The following SIRPB2 variants were observed in gnomAD, a reference collection of about 807,000 sequenced individuals.
The protein encoded by SIRPB2 is signal regulatory protein beta 2, also known as signal-regulatory protein beta-2.
Under a neutral mutation model 27.1 loss-of-function variants are expected in SIRPB2, and 18 were observed. That is an observed-to-expected ratio of 0.66 (90% CI 0.46 to 0.98). The LOEUF (loss-of-function observed/expected upper bound fraction) is 0.98. SIRPB2 is among the 50% of genes least tolerant of loss of function. The pLI is 0.00. For synonymous variants in SIRPB2, 150 were observed against 164.6 expected, an observed-to-expected ratio of 0.91 and a Z score of 0.68; for missense variants, 420 against 417.4, an observed-to-expected ratio of 1.01 and a Z score of -0.06.
rs1174654598 is a variant in SIRPB2 at position 1,476,451 on chromosome 20, G to A, written c.860-115C>T. 16 of 1,101,318 alleles carry A rather than the reference G, an allele frequency of 1.5e-5. No individual in the cohort carries two copies. The East Asian group carries it at 3.7e-4, about 26-fold the overall frequency. The allele number at this position is 1,101,318 out of a possible 1,614,324, so 68.2% of individuals were successfully genotyped here. A position where few individuals can be genotyped will look rare whatever the true frequency, so the allele number is the denominator to read the frequency against. ...CTGCTGCTGTATAACCTCTGGAGCT[G>A]TATCCTTTCTACATTGAAAGAGGAG... On this transcript the variant is annotated intron_variant, in intron 4 of 4. Transcript: ENST00000359801.
chr20:1,482,759 T>C (rs2090684594), intron 1 of SIRPB2, among the ~76,000 whole-genome samples: 1 of 146,538 alleles, frequency 6.8e-6, no homozygotes, highest in African/African-American at 2.8e-5. Flanking sequence ...AATGACTACA[T>C]GATTTCATTA....
downstream of SIRPB2, chr20:1,470,704 C>T (rs923426230): frequency 6.6e-6 from 1 of 152,086 alleles, no homozygotes; most frequent in Admixed American, 6.6e-5. Flanking sequence ...GAGACTCTGT[C>T]TCAAAAAATA....
intron 1 of SIRPB2, chr20:1,480,396 G>A (rs996882764): frequency 2.3e-5 from 6 of 256,918 alleles, no homozygotes; most frequent in African/African-American, 4.4e-5. Context: ...CTGAGGGTCC[G>A]GAAAGGTTAG....
chr20:1,491,371 T>G lies in SIRPB2; in HGVS notation c.-12A>C, dbSNP rs376450196. 37 of 1,603,980 alleles carry G rather than the reference T, an allele frequency of 2.3e-5. No individual in the cohort carries two copies. In the African/African-American group the frequency reaches 4.2e-4, roughly 18 times the overall value. On this transcript the variant is annotated 5_prime_UTR_variant, in exon 1 of 5. Coordinates refer to ENST00000359801, the MANE Select transcript of SIRPB2 (RefSeq NM_001122962.2). ...ATCGTGGAGCACATGGCATCTTCTG[T>G]GGTCCCCAAGACTTGGGGCTCCTCT...
Position 1,476,211 on chromosome 20 carries a change from C to G in SIRPB2, c.985G>C (p.Ala329Pro). The change falls in exon 5 of 5, where the codon GCA becomes CCA. Residue 329 changes from alanine (A) to proline (P), a missense_variant. By Grantham distance (27) the Ala-to-Pro change is conservative (BLOSUM62 -1). Transcript: ENST00000359801. The part of the protein sequence containing the change: ...GQEDVKTTGP[A>P]GAMNTLAWSK... ...CATGCTAAGGTGTTCATGGCTCCTG[C>G]TGGGCCTGTGGTCTTGACATCTTCT... The G allele has an allele frequency of 6.2e-7, 1 of 1,614,136 alleles. No homozygotes were observed. The highest frequency in any genetic ancestry group is 1.3e-5 in the African/African-American group (1 of 75,060).
intron 1 of SIRPB2, among the ~76,000 whole-genome samples, chr20:1,482,945 T>A (rs1568647713): frequency 6.6e-6 from 1 of 152,258 alleles, no homozygotes; most frequent in South Asian, 2.1e-4. Flanking sequence ...GATATATTGA[T>A]TTCTTTTCCT....
chr20:1,479,893 G>A lies in SIRPB2; in HGVS notation c.258C>T (p.Asn86=), dbSNP rs777986710. Residue 86 remains asparagine (N), a synonymous_variant, in exon 2 of 5, where the codon AAC becomes AAT. Coordinates refer to ENST00000359801, the MANE Select transcript of SIRPB2 (RefSeq NM_001122962.2). ...CCCCAGGGAAGGAGCCACGTTTAAA[G>A]TTATAAATTTCCTGTTGGTCCTGAG... ...VSTQDQQEIY[N]FKRGSFPGVM... is the part of the protein sequence containing the mutation. 6.2e-7 allele frequency: 1 copy of A among 1,614,228 alleles called. No homozygotes were observed. Among genetic ancestry groups the A allele is most frequent in the Non-Finnish European group, 8.5e-7 (1 of 1,180,044 alleles).
chr20:1,471,018 T>G, downstream of SIRPB2: 1 of 152,238 alleles, frequency 6.6e-6, no homozygotes, highest in East Asian at 1.9e-4. Flanking sequence ...CCCACTCCTT[T>G]CTAGGAACGT....
chr20:1,477,394 G>A lies in SIRPB2; in HGVS notation c.803C>T (p.Thr268Ile), dbSNP rs1167877840. ...GTSLKVKAKS[T>I]SSKEAEFTSE... ...GGTGAATTCTGCCTCTTTGGAAGAG[G>A]TAGATTTTGCTGCAAGGGAGAGAGG... Residue 268 changes from threonine (T) to isoleucine (I), a missense_variant, in exon 4 of 5, where the codon ACC becomes ATC. By Grantham distance (89) the Thr-to-Ile change is moderately conservative. Coordinates refer to ENST00000359801, the MANE Select transcript of SIRPB2 (RefSeq NM_001122962.2). 2 of 1,612,752 alleles carry A rather than the reference G, an allele frequency of 1.2e-6. No individual in the cohort carries two copies. The highest frequency in any genetic ancestry group is 4.5e-5 in the East Asian group (2 of 44,818).
rs76451823 is a variant in SIRPB2 at position 1,479,113 on chromosome 20, A to T, written c.452-506T>A. 1,022 of 164,216 alleles carry T rather than the reference A, an allele frequency of 6.2e-3. 17 individuals are homozygous for T. The highest frequency in any genetic ancestry group is 0.024 in the African/African-American group (988 of 41,694). The allele number at this position is 164,216 out of a possible 1,614,324, so 10.2% of individuals were successfully genotyped here. A position where few individuals can be genotyped will look rare whatever the true frequency, so the allele number is the denominator to read the frequency against. ...AATTGTTTTGCCTGTTTTTCAAGCAAAGCACTTGAGGCATGTAGAGCCAGG... is the reference window on the plus strand; with the variant it reads ...AATTGTTTTGCCTGTTTTTCAAGCATAGCACTTGAGGCATGTAGAGCCAGG... On this transcript the variant is annotated intron_variant, in intron 2 of 4. Coordinates refer to ENST00000359801, the MANE Select transcript of SIRPB2 (RefSeq NM_001122962.2).
rs2090594302 is a variant in SIRPB2 at position 1,474,838 on chromosome 20, T to G, written c.*1329A>C. ...ATCCACCCACCTCGGCCTCCCAAAG[T>G]GCTGGGATTACATGCATAAGCCACC... On this transcript the variant is annotated 3_prime_UTR_variant, in exon 5 of 5. Transcript: ENST00000359801. The G allele has an allele frequency of 1.3e-5, 2 of 152,276 alleles. No individual in the cohort carries two copies. The highest frequency in any genetic ancestry group is 2.9e-5 in the Non-Finnish European group (2 of 68,132). 9.4% of individuals were successfully genotyped at this position (152,276 alleles called of 1,614,324 possible).
intron 4 of SIRPB2, chr20:1,476,969 C>A: frequency 1.6e-6 from 2 of 1,217,078 alleles, no homozygotes; most frequent in Non-Finnish European, 1.0e-6. Context: ...GGGGCGAGAA[C>A]CTGCCCATTA....
rs1427863967 is a variant in SIRPB2, at chr20:1,476,203, G to A, written c.993C>T (p.Ala331=). 6.2e-7 allele frequency: 1 copy of A among 1,613,972 alleles called. No homozygotes were observed. The highest frequency in any genetic ancestry group is 1.1e-5 in the South Asian group (1 of 91,086). ...EDVKTTGPAG[A]MNTLAWSKGQ... ...CCTTGCTCCATGCTAAGGTGTTCAT[G>A]GCTCCTGCTGGGCCTGTGGTCTTGA... The change falls in exon 5 of 5, where the codon GCC becomes GCT. Residue 331 remains alanine (A), a synonymous_variant. Coordinates refer to ENST00000359801, the MANE Select transcript of SIRPB2 (RefSeq NM_001122962.2).
intron 4 of SIRPB2, chr20:1,476,759 A>G: frequency 9.5e-7 from 1 of 1,047,282 alleles, no homozygotes; most frequent in Non-Finnish European, 1.2e-6. Context: ...GCCGAGCATC[A>G]GGAAGGCAAA....
chr20:1,486,520 T>C (rs113244108), intron 1 of SIRPB2, among the ~76,000 whole-genome samples: 1,560 of 152,202 alleles, frequency 0.01, 28 homozygotes, highest in African/African-American at 0.035. Flanking sequence ...GAAAGGAAAA[T>C]CAATATCTCT....
chr20:1,476,464 A>G, intron 4 of SIRPB2, 128 bp from the exon 5 acceptor site: 1 of 1,035,294 alleles, frequency 9.7e-7, no homozygotes, highest in Non-Finnish European at 1.4e-6. Flanking sequence ...TCCTTTCTAC[A>G]TTGAAAGAGG....
downstream of SIRPB2, chr20:1,473,797 G>T: frequency 2.2e-6 from 1 of 456,222 alleles, no homozygotes; most frequent in Admixed American, 2.3e-5. Flanking sequence ...CCCACCTCCA[G>T]TTAGTGGAGA....
chr20:1,486,962 G>A (rs1167684872), intron 1 of SIRPB2, among the ~76,000 whole-genome samples: 1 of 152,080 alleles, frequency 6.6e-6, no homozygotes, highest in Non-Finnish European at 1.5e-5. Context: ...ATTCAATTTT[G>A]TAGGATAGGT....
chr20:1,484,983 A>G (rs2123043838), intron 1 of SIRPB2, among the ~76,000 whole-genome samples: 1 of 152,356 alleles, frequency 6.6e-6, no homozygotes, highest in Middle Eastern at 3.4e-3. Flanking sequence ...GAAATAAGCC[A>G]GGCACAGAAA....
Sources: allele counts gnomAD v4.1 joint callset (sites outside exome capture counted in the v4.1 genomes callset), GRCh38; gene constraint gnomAD v4.1.1; transcripts MANE v1.5; gene names NCBI Gene and HGNC (gene_info 2026-07-23, HGNC 2026-07-21).